MYO1H: variants seen among roughly 807,000 people sequenced by gnomAD.
MYO1H encodes the protein unconventional myosin-Ih.
In MYO1H, 118 loss-of-function variants were observed where a neutral mutation model predicts 149.3. The ratio of observed to expected loss-of-function variants is 0.79; its 90% CI spans 0.68 to 0.92. MYO1H has a LOEUF of 0.92. Among genes scored for constraint, MYO1H ranks in the 40% least tolerant of loss-of-function variants. The pLI is 0.00. For missense variants in MYO1H, 1,212 were observed against 1,280.7 expected, an observed-to-expected ratio of 0.95 and a Z score of 0.82; for synonymous variants, 447 against 465.2, an observed-to-expected ratio of 0.96 and a Z score of 0.50.
exon 2 of MYO1H, chr12:109,388,741 G>A (rs763324474): frequency 1.8e-5 from 29 of 1,611,164 alleles, no homozygotes; most frequent in South Asian, 6.6e-5. Flanking sequence ...CTGACTGCCC[G>A]GGACAAGGTC....
intron 2 of MYO1H, among the ~76,000 whole-genome samples, chr12:109,390,619 A>G (rs1242356523): frequency 1.3e-5 from 2 of 151,562 alleles, no homozygotes; most frequent in Non-Finnish European, 2.9e-5. Flanking sequence ...GTTTTGCCCA[A>G]TTTTAGGAGG....
intron 1 of MYO1H, among the ~76,000 whole-genome samples, chr12:109,350,870 C>T (rs889101511): frequency 6.6e-6 from 1 of 152,140 alleles, no homozygotes; most frequent in Non-Finnish European, 1.5e-5. Context: ...TCAAATATCC[C>T]TCAATCGTTA....
intron 18 of MYO1H, 40 bp downstream of exon 18, chr12:109,426,091 A>C: frequency 2.7e-6 from 4 of 1,499,142 alleles, no homozygotes; most frequent in Non-Finnish European, 3.7e-6. Flanking sequence ...CAGGGAAAGG[A>C]GGCTGGGAGC....
At chr12:109,405,894 T>A in intron 7 of MYO1H, 28 bp from the exon 8 acceptor site, 1 of 1,506,434 alleles carries the variant, frequency 6.6e-7, no homozygotes, top group Non-Finnish European at 9.2e-7. Context: ...CCTGATCTCC[T>A]GTCTCTGAAC....
chr12:109,427,153 TA>T (rs1322005459), intron 18 of MYO1H, among the ~76,000 whole-genome samples: 3 of 151,724 alleles, frequency 2.0e-5, no homozygotes, highest in African/African-American at 7.3e-5. Flanking sequence ...ACGTCTCTAC[TA>T]AAAATACAAA....
At chr12:109,396,914 G>A (rs529443162) in intron 4 of MYO1H, among the ~76,000 whole-genome samples, 4 of 122,308 alleles carry the variant, frequency 3.3e-5, no homozygotes, top group East Asian at 2.9e-4. Context: ...AGAAACCTCC[G>A]CCTCCTGAGT....
chr12:109,423,954 C>T (rs1006860333), intron 16 of MYO1H, among the ~76,000 whole-genome samples: 1 of 152,050 alleles, frequency 6.6e-6, no homozygotes, highest in Non-Finnish European at 1.5e-5. Context: ...AGTCCAAAAG[C>T]TAGTGCCCTG....
At chr12:109,423,481 G>A (rs1280170884) in intron 16 of MYO1H, among the ~76,000 whole-genome samples, 1 of 152,214 alleles carries the variant, frequency 6.6e-6, no homozygotes, top group Non-Finnish European at 1.5e-5. Flanking sequence ...TCATTTTAAA[G>A]TGTACAGTTC....
the MYO1H span, among the ~76,000 whole-genome samples, chr12:109,331,086 T>A: frequency 6.6e-6 from 1 of 152,236 alleles, no homozygotes; most frequent in Non-Finnish European, 1.5e-5. Context: ...TTTTGCTCAT[T>A]TTTCTAATTT....
At chr12:109,432,295 C>A (rs12817055) in intron 19 of MYO1H, among the ~76,000 whole-genome samples, 4 of 151,858 alleles carry the variant, frequency 2.6e-5, no homozygotes. Context: ...TGAGCCCCTG[C>A]GCCTGGCCTT....
chr12:109,401,396 A>G (rs1592794811), intron 6 of MYO1H, 124 bp downstream of exon 6: 1 of 936,392 alleles, frequency 1.1e-6, no homozygotes, highest in Non-Finnish European at 1.6e-6. Context: ...CTATTGGCTG[A>G]TTTCTCCATA....
At chr12:109,383,183 T>A (rs1173332572) in intron 1 of MYO1H, among the ~76,000 whole-genome samples, 1 of 152,192 alleles carries the variant, frequency 6.6e-6, no homozygotes, top group Non-Finnish European at 1.5e-5. Flanking sequence ...AGGTTTCTTA[T>A]AACATTTCCC....
chr12:109,433,752 C>T (rs1288036732), intron 20 of MYO1H, among the ~76,000 whole-genome samples: 2 of 149,140 alleles, frequency 1.3e-5, no homozygotes, highest in Non-Finnish European at 3.0e-5. Flanking sequence ...GGATCAGTTA[C>T]TTAGTCAGTC....
At chr12:109,393,389 C>T (rs1470638563) in exon 3 of MYO1H, 2 of 1,589,676 alleles carry the variant, frequency 1.3e-6, no homozygotes, top group Admixed American at 1.8e-5. Context: ...GGAATCTACA[C>T]TGTGAGCCAG....
At chr12:109,415,563 G>C in exon 15 of MYO1H, 1 of 1,608,316 alleles carries the variant, frequency 6.2e-7, no homozygotes, top group Non-Finnish European at 8.5e-7. Flanking sequence ...AAAGAGGATT[G>C]GCTGGATGGA....
chr12:109,344,870 A>G (rs1360082168), upstream of MYO1H, among the ~76,000 whole-genome samples: 2 of 152,194 alleles, frequency 1.3e-5, no homozygotes, highest in African/African-American at 4.8e-5. Flanking sequence ...AGATGACTCA[A>G]TGGGGGAAAG....
chr12:109,326,384 AG>A, the MYO1H span, among the ~76,000 whole-genome samples: 1 of 152,186 alleles, frequency 6.6e-6, no homozygotes, highest in Non-Finnish European at 1.5e-5. Context: ...ATGGGGGATG[AG>A]GAAGGAACTC....
At chr12:109,406,088 G>C in intron 8 of MYO1H, 53 bp downstream of exon 8, 1 of 1,339,494 alleles carries the variant, frequency 7.5e-7, no homozygotes. Context: ...TGGGAGAGAA[G>C]AGCGAGGTAG....
At chr12:109,433,056 A>G in intron 20 of MYO1H, 46 bp downstream of exon 20, 1 of 1,509,754 alleles carries the variant, frequency 6.6e-7, no homozygotes, top group Non-Finnish European at 9.2e-7. Flanking sequence ...CTTGACATCA[A>G]AGGGTTTTGT....
Sources: allele counts gnomAD v4.1 joint callset (sites outside exome capture counted in the v4.1 genomes callset), GRCh38; gene constraint gnomAD v4.1.1; transcripts MANE v1.5; gene names NCBI Gene and HGNC (gene_info 2026-07-23, HGNC 2026-07-21).